C10orf53: variants seen among roughly 807,000 people sequenced by gnomAD.
The protein encoded by C10orf53 is chromosome 10 open reading frame 53.
Under a neutral mutation model 9.4 loss-of-function variants are expected in C10orf53, and 8 were observed. The ratio of observed to expected loss-of-function variants is 0.85; its 90% CI spans 0.50 to 1.53. The LOEUF (loss-of-function observed/expected upper bound fraction) is 1.53. Ranked by LOEUF, C10orf53 falls within the 40% of genes most tolerant of loss-of-function variation. The pLI is 0.00. For missense variants in C10orf53, 117 were observed against 117.8 expected, an observed-to-expected ratio of 0.99 and a Z score of 0.03; for synonymous variants, 48 against 46.0, an observed-to-expected ratio of 1.04 and a Z score of -0.18.
chr10:49,684,464 C>G (rs577478132), intron 1 of C10orf53, among the ~76,000 whole-genome samples: 1 of 152,284 alleles, frequency 6.6e-6, no homozygotes, highest in East Asian at 1.9e-4. Flanking sequence ...GTTATTTTAA[C>G]AATATTAAGC....
intron 2 of C10orf53, among the ~76,000 whole-genome samples, chr10:49,705,370 C>T (rs1840715959): frequency 6.6e-6 from 1 of 152,054 alleles, no homozygotes; most frequent in Admixed American, 6.5e-5. Flanking sequence ...TTATATTACC[C>T]ATTCAAAAAT....
Position 49,696,762 on chromosome 10 carries a change from G to A in C10orf53, c.*2160G>A, listed in dbSNP as rs1374449072. The stretch of plus-strand genomic sequence containing the variant: ...GTTTCCTCTGAGCAGTGGGATTGGG[G>A]GGTGTGGGGGGCAGGTGAGGTAGAG... On this transcript the variant is annotated 3_prime_UTR_variant, in exon 3 of 3. Transcript: ENST00000374111. 6.6e-6 allele frequency among the ~76,000 whole-genome samples: 1 copy of A among 152,192 alleles called. No homozygotes were observed.
exon 3 of C10orf53, chr10:49,710,148 C>G (rs1473795528): frequency 6.6e-6 from 1 of 152,252 alleles, no homozygotes; most frequent in East Asian, 1.9e-4. Context: ...AACAAACACA[C>G]AGTTAACAAA....
chr10:49,703,769 C>T (rs987432900), intron 2 of C10orf53, among the ~76,000 whole-genome samples: 1 of 152,210 alleles, frequency 6.6e-6, no homozygotes, highest in Non-Finnish European at 1.5e-5. Flanking sequence ...TCAACACTCC[C>T]TAATTAATAT....
chr10:49,696,971 T>C lies in C10orf53; in HGVS notation c.*2369T>C, dbSNP rs139092685. Among the ~76,000 whole-genome samples the C allele has an allele frequency of 1.5e-3, 226 of 152,250 alleles. 2 individuals carry two copies. Among genetic ancestry groups the C allele is most frequent in the African/African-American group, 4.8e-3 (201 of 41,546 alleles). On this transcript the variant is annotated 3_prime_UTR_variant, in exon 3 of 3. Coordinates refer to ENST00000374111, the MANE Select transcript of C10orf53 (RefSeq NM_001042427.3). Reference sequence around the variant, plus strand: ...CTTTGGGAATCCAAGGTGGGTGGATTTGTTTGAACACAGGAGTTCGAGAGC... The same window carrying C: ...CTTTGGGAATCCAAGGTGGGTGGATCTGTTTGAACACAGGAGTTCGAGAGC...
chr10:49,693,697 A>G, intron 1 of C10orf53, 77 bp from the exon 2 acceptor site: 1 of 1,499,726 alleles, frequency 6.7e-7, no homozygotes. Context: ...AGCTACTGTC[A>G]TCATGAGGAC....
At chr10:49,709,827 A>G (rs973487151) in exon 3 of C10orf53, 3 of 151,966 alleles carry the variant, frequency 2.0e-5, no homozygotes, top group Admixed American at 6.6e-5. Flanking sequence ...TCAAGCAGCA[A>G]CTCCTACCAT....
chr10:49,702,611 G>A (rs947100608), intron 2 of C10orf53, among the ~76,000 whole-genome samples: 1 of 152,134 alleles, frequency 6.6e-6, no homozygotes, highest in Non-Finnish European at 1.5e-5. Context: ...CTTCATATTT[G>A]GACTTAAACT....
intron 1 of C10orf53, among the ~76,000 whole-genome samples, chr10:49,690,454 CTCTT>C (rs746795461): frequency 1.6e-3 from 244 of 152,284 alleles, no homozygotes; most frequent in Non-Finnish European, 2.6e-3. Flanking sequence ...AAAATTACAG[CTCTT>C]TATCATTTCC....
chr10:49,687,339 G>C (rs1257060123), intron 1 of C10orf53, among the ~76,000 whole-genome samples: 1 of 152,170 alleles, frequency 6.6e-6, no homozygotes, highest in Non-Finnish European at 1.5e-5. Flanking sequence ...TATTGGGGGG[G>C]AAACTCCCCA....
chr10:49,700,429 A>T (rs2132888641), downstream of C10orf53, among the ~76,000 whole-genome samples: 1 of 152,298 alleles, frequency 6.6e-6, no homozygotes, highest in East Asian at 1.9e-4. Flanking sequence ...AGTGCTAGGA[A>T]GGTTATCCCC....
intron 1 of C10orf53, among the ~76,000 whole-genome samples, chr10:49,680,071 G>A (rs553720677): frequency 7.2e-5 from 11 of 152,236 alleles, no homozygotes; most frequent in Non-Finnish European, 1.6e-4. Context: ...TTAAGAATTG[G>A]GAAACTGAGG....
At chr10:49,703,023 C>T (rs1030540837) in intron 2 of C10orf53, among the ~76,000 whole-genome samples, 9 of 152,120 alleles carry the variant, frequency 5.9e-5, no homozygotes, top group African/African-American at 2.2e-4. Context: ...CAGTGTACCC[C>T]ACCCCGCTCC....
At chr10:49,699,591 G>A (rs1166094943), downstream of C10orf53, among the ~76,000 whole-genome samples, 1 of 152,044 alleles carries the variant, frequency 6.6e-6, no homozygotes, top group Non-Finnish European at 1.5e-5. Context: ...TTCTGATCAA[G>A]GAGCATGGGA....
intron 2 of C10orf53, among the ~76,000 whole-genome samples, chr10:49,707,403 T>C (rs946539992): frequency 6.6e-6 from 1 of 152,190 alleles, no homozygotes; most frequent in Non-Finnish European, 1.5e-5. Context: ...TTCCCAAAAC[T>C]GACCTTAGGA....
rs1840630626 is a variant in C10orf53 at position 49,695,935 on chromosome 10, C to T, written c.*1333C>T. 2.0e-5 allele frequency: 3 copies of T among 152,228 alleles called. No individual in the cohort carries two copies. Among genetic ancestry groups the T allele is most frequent in the Admixed American group, 6.5e-5 (1 of 15,298 alleles). The allele number at this position is 152,228 out of a possible 1,614,324, so 9.4% of individuals were successfully genotyped here. A position where few individuals can be genotyped will look rare whatever the true frequency, so the allele number is the denominator to read the frequency against. ...CCAGTTTAAGTTACTATAGATGTAG[C>T]ATTCAATCTTTGTTTCAATATAACA... On this transcript the variant is annotated 3_prime_UTR_variant, in exon 3 of 3. Coordinates refer to ENST00000374111, the MANE Select transcript of C10orf53 (RefSeq NM_001042427.3).
At chr10:49,691,956 T>C (rs1840589169) in intron 1 of C10orf53, among the ~76,000 whole-genome samples, 3 of 152,210 alleles carry the variant, frequency 2.0e-5, no homozygotes, top group South Asian at 2.1e-4. Context: ...GAAGTTGTTT[T>C]GCTCCTGATT....
At position 49,696,848 on chromosome 10, in the gene C10orf53, G is replaced by C. The variant is rs1353227327; in HGVS notation, c.*2246G>C. 1.3e-5 allele frequency among the ~76,000 whole-genome samples: 2 copies of C among 152,170 alleles called. No homozygotes were observed. Among genetic ancestry groups the C allele is most frequent in the Non-Finnish European group, 2.9e-5 (2 of 68,044 alleles). ...TGTAAATGTTTTTAGTGGTGGAATTGATTTTCACTTTGTATGTAAGTGTGT... is the reference window on the plus strand; with the variant it reads ...TGTAAATGTTTTTAGTGGTGGAATTCATTTTCACTTTGTATGTAAGTGTGT... On this transcript the variant is annotated 3_prime_UTR_variant, in exon 3 of 3. Coordinates refer to ENST00000374111, the MANE Select transcript of C10orf53 (RefSeq NM_001042427.3).
intron 1 of C10orf53, 127 bp downstream of exon 1, chr10:49,679,921 G>A (rs1840463722): frequency 1.2e-6 from 1 of 861,470 alleles, no homozygotes; most frequent in African/African-American, 1.8e-5. Context: ...TCTTCCCCAG[G>A]ATGATGTTGC....
Sources: gnomAD v4.1 joint callset for allele counts (sites outside exome capture counted in the v4.1 genomes callset) on GRCh38, gnomAD v4.1.1 for gene constraint, MANE v1.5 for transcripts, NCBI Gene and HGNC (gene_info 2026-07-23, HGNC 2026-07-21) for gene names.